The following PSTPIP2 variants were observed in gnomAD, a reference collection of about 807,000 sequenced individuals.
PSTPIP2 encodes the protein proline-serine-threonine phosphatase-interacting protein 2.
A neutral mutation model predicts 63.3 loss-of-function variants in PSTPIP2; 33 were observed. That is an observed-to-expected ratio of 0.52 (90% CI 0.40 to 0.70). The LOEUF (loss-of-function observed/expected upper bound fraction) is 0.70. Ranked by LOEUF, PSTPIP2 falls within the 30% of genes least tolerant of loss-of-function variation. The pLI is 0.00. For missense variants in PSTPIP2, 312 were observed against 400.7 expected (o/e 0.78, Z 1.89); for synonymous variants, 125 against 132.7 (o/e 0.94, Z 0.40).
intron 4 of PSTPIP2, 124 bp from the exon 5 acceptor site, chr18:46,011,411 C>T: frequency 1.4e-6 from 1 of 739,152 alleles, no homozygotes; most frequent in South Asian, 1.8e-5. Context: ...AACATCACTT[C>T]ATTTGGTCAC....
At position 46,039,799 on chromosome 18, in the gene PSTPIP2, A is replaced by G. The variant is rs1259202443; in HGVS notation, c.134+148T>C. Reference sequence around the variant, plus strand: ...CTAAGAACTTTAGGACAGAAGTATCATGTACTTCTCAGGTATCATTCCATA... The same window carrying G: ...CTAAGAACTTTAGGACAGAAGTATCGTGTACTTCTCAGGTATCATTCCATA... On this transcript the variant is annotated intron_variant, in intron 2 of 14. Coordinates refer to ENST00000409746, the MANE Select transcript of PSTPIP2 (RefSeq NM_024430.4). 3 of 679,820 alleles carry G rather than the reference A, an allele frequency of 4.4e-6. No individual in the cohort carries two copies. In the African/African-American group the frequency reaches 5.4e-5, roughly 12 times the overall value. 42.1% of individuals were successfully genotyped at this position (679,820 alleles called of 1,614,324 possible). A position where few individuals can be genotyped will look rare whatever the true frequency, so the allele number is the denominator to read the frequency against.
chr18:45,988,886 T>G lies in PSTPIP2; in HGVS notation c.956-127A>C, dbSNP rs546281986. On this transcript the variant is annotated intron_variant, in intron 13 of 14. Transcript: ENST00000409746. ...TATCCTTTTGTAAAGAGAAAATAGA[T>G]CTGCCAACAAAAACTATAAATGGTA... 1.2e-4 allele frequency: 90 copies of G among 742,242 alleles called. No homozygotes were observed. The African/African-American group carries it at 1.4e-3, about 12-fold the overall frequency. 46.0% of individuals were successfully genotyped at this position (742,242 alleles called of 1,614,324 possible).
At chr18:46,040,570 C>G (rs1011771132) in intron 1 of PSTPIP2, among the ~76,000 whole-genome samples, 3 of 152,176 alleles carry the variant, frequency 2.0e-5, no homozygotes, top group African/African-American at 7.2e-5. Context: ...TGCTTGTAAG[C>G]CATCATGCCC....
rs113313333 is a variant in PSTPIP2, at chr18:46,034,512, A to G, written c.134+5435T>C. The stretch of plus-strand genomic sequence containing the variant: ...AAGCCCACTAAACTTCAGTGTTCTT[A>G]TCTGTAAAAGGAAGCCAATGATATA... On this transcript the variant is annotated intron_variant, in intron 2 of 14. Transcript: ENST00000409746. Among the ~76,000 whole-genome samples the G allele has an allele frequency of 4.7e-3, 715 of 152,350 alleles. 11 individuals are homozygous for G. Among genetic ancestry groups the G allele is most frequent in the Admixed American group, 0.029 (449 of 15,304 alleles).
chr18:46,059,261 T>C (rs531013360), intron 1 of PSTPIP2, among the ~76,000 whole-genome samples: 1 of 152,138 alleles, frequency 6.6e-6, no homozygotes, highest in East Asian at 1.9e-4. Flanking sequence ...GGTCTTTTTT[T>C]TAATTTAAGA....
chr18:45,991,651 C>T (rs1287221406), intron 12 of PSTPIP2, among the ~76,000 whole-genome samples: 3 of 152,066 alleles, frequency 2.0e-5, no homozygotes, highest in Non-Finnish European at 4.4e-5. Flanking sequence ...TTTCTACAGA[C>T]TATAAGAAAA....
chr18:46,015,807 T>A, intron 4 of PSTPIP2, 96 bp downstream of exon 4: 1 of 1,381,714 alleles, frequency 7.2e-7, no homozygotes, highest in Non-Finnish European at 1.0e-6. Context: ...TTTCACCCAC[T>A]ATGAAACTGC....
At chr18:46,015,770 C>T (rs898545388) in intron 4 of PSTPIP2, 133 bp downstream of exon 4, 15 of 949,040 alleles carry the variant, frequency 1.6e-5, no homozygotes, top group Middle Eastern at 2.5e-4. Flanking sequence ...AGAGCTTTGT[C>T]TCACCTTAGG....
chr18:46,064,860 C>A (rs1909124351), intron 1 of PSTPIP2, among the ~76,000 whole-genome samples: 1 of 151,648 alleles, frequency 6.6e-6, no homozygotes, highest in Non-Finnish European at 1.5e-5. Context: ...ATAGAAAACA[C>A]TGGGCCGGGT....
intron 1 of PSTPIP2, among the ~76,000 whole-genome samples, chr18:46,069,160 G>A (rs1025398759): frequency 2.0e-5 from 3 of 152,178 alleles, no homozygotes; most frequent in Non-Finnish European, 2.9e-5. Flanking sequence ...CCCCAGGGGT[G>A]AGAGAACACT....
intron 9 of PSTPIP2, 79 bp from the exon 10 acceptor site, chr18:45,993,782 A>T: frequency 8.4e-7 from 1 of 1,192,868 alleles, no homozygotes; most frequent in East Asian, 2.4e-5. Context: ...CTTAAGAAAC[A>T]GTGTCAACCT....
intron 5 of PSTPIP2, among the ~76,000 whole-genome samples, chr18:46,010,316 C>T (rs1454386784): frequency 6.6e-6 from 1 of 152,184 alleles, no homozygotes; most frequent in Admixed American, 6.5e-5. Flanking sequence ...GACCCCCGGG[C>T]AGGGTGAAAG....
chr18:45,996,711 G>C (rs1001782783), intron 9 of PSTPIP2, among the ~76,000 whole-genome samples: 1 of 151,964 alleles, frequency 6.6e-6, no homozygotes, highest in Non-Finnish European at 1.5e-5. Flanking sequence ...TGGAAGGATT[G>C]CTTGAGACCC....
intron 2 of PSTPIP2, among the ~76,000 whole-genome samples, chr18:46,034,516 G>A (rs982040786): frequency 6.6e-6 from 1 of 152,138 alleles, no homozygotes; most frequent in African/African-American, 2.4e-5. Flanking sequence ...GTTCTTATCT[G>A]TAAAAGGAAG....
At chr18:45,999,267 C>T (rs767852245) in intron 7 of PSTPIP2, among the ~76,000 whole-genome samples, 169 bp downstream of exon 7, 1 of 152,222 alleles carries the variant, frequency 6.6e-6, no homozygotes, top group Non-Finnish European at 1.5e-5. Context: ...TTCCCCTAAC[C>T]CCCAAATATG....
At chr18:46,003,151 G>A (rs927313928) in intron 6 of PSTPIP2, among the ~76,000 whole-genome samples, 28 of 152,182 alleles carry the variant, frequency 1.8e-4, no homozygotes, top group African/African-American at 6.8e-4. Context: ...GTGTGACCCA[G>A]TTACTACTGG....
At chr18:45,990,851 A>C in intron 12 of PSTPIP2, 95 bp from the exon 13 acceptor site, 1 of 1,042,028 alleles carries the variant, frequency 9.6e-7, no homozygotes, top group Non-Finnish European at 1.4e-6. Context: ...CTCTAATCAG[A>C]TCTGGTTTCT....
chr18:46,059,250 A>T (rs1455968929), intron 1 of PSTPIP2, among the ~76,000 whole-genome samples: 2 of 150,868 alleles, frequency 1.3e-5, no homozygotes, highest in African/African-American at 4.9e-5. Flanking sequence ...ATGGCCAGGC[A>T]GGTCTTTTTT....
intron 2 of PSTPIP2, chr18:46,029,670 T>G: frequency 1.4e-6 from 1 of 719,346 alleles, no homozygotes; most frequent in Non-Finnish European, 2.6e-6. Flanking sequence ...TATTGGCAAT[T>G]GCTTCAGGAA....
Sources: allele counts gnomAD v4.1 joint callset (sites outside exome capture counted in the v4.1 genomes callset), GRCh38; gene constraint gnomAD v4.1.1; transcripts MANE v1.5; gene names NCBI Gene and HGNC (gene_info 2026-07-23, HGNC 2026-07-21).